Variants in APBA2 observed in about 807,000 individuals in gnomAD.
APBA2 encodes the protein amyloid beta precursor protein binding family A member 2.
Under a neutral mutation model 75.0 loss-of-function variants are expected in APBA2, and 30 were observed. The ratio of observed to expected loss-of-function variants is 0.40; its 90% CI spans 0.30 to 0.54. The LOEUF is 0.54. Among genes scored for constraint, APBA2 ranks in the 20% least tolerant of loss-of-function variants. APBA2 has a pLI of 0.49. For synonymous variants in APBA2, 444 were observed against 409.6 expected (o/e 1.08, Z -1.01); for missense variants, 801 against 1,016.1 (o/e 0.79, Z 2.88).
chr15:29,103,039 C>A (rs1307801896), intron 10 of APBA2, among the ~76,000 whole-genome samples: 2 of 152,208 alleles, frequency 1.3e-5, no homozygotes, highest in South Asian at 2.1e-4. Flanking sequence ...TTCCTTCCAC[C>A]GCTACACGGA....
At chr15:28,950,598 C>A (rs112241156) in intron 2 of APBA2, among the ~76,000 whole-genome samples, 32,302 of 150,852 alleles carry the variant, frequency 0.21, 7,085 homozygotes, top group African/African-American at 0.57. Context: ...CTGCACTCCA[C>A]CCTAGGCGAC....
At chr15:29,050,108 G>T (rs530670622) in intron 3 of APBA2, among the ~76,000 whole-genome samples, 1 of 152,174 alleles carries the variant, frequency 6.6e-6, no homozygotes, top group Non-Finnish European at 1.5e-5. Flanking sequence ...TCTAAGAGTG[G>T]AGAGGAAATT....
intron 2 of APBA2, among the ~76,000 whole-genome samples, chr15:28,944,258 T>C (rs541999909): frequency 1.2e-3 from 180 of 152,320 alleles, no homozygotes; most frequent in South Asian, 6.0e-3. Flanking sequence ...GATTAAGCCA[T>C]GCAGAAAGGT....
At chr15:28,944,158 C>A (rs1223919680) in intron 2 of APBA2, among the ~76,000 whole-genome samples, 2 of 152,176 alleles carry the variant, frequency 1.3e-5, no homozygotes, top group Non-Finnish European at 2.9e-5. Flanking sequence ...CTTTCAGGAT[C>A]AAATTGTGTC....
At chr15:29,004,605 A>C (rs986785866) in intron 3 of APBA2, among the ~76,000 whole-genome samples, 3 of 152,142 alleles carry the variant, frequency 2.0e-5, no homozygotes, top group African/African-American at 7.2e-5. Context: ...CCTACATCAA[A>C]GTTGAGGACC....
chr15:29,041,692 A>G (rs561008891), intron 3 of APBA2, among the ~76,000 whole-genome samples: 107 of 152,236 alleles, frequency 7.0e-4, no homozygotes, highest in Non-Finnish European at 1.3e-3. Context: ...ATTCTCCCCA[A>G]ATCGACCTAT....
intron 4 of APBA2, among the ~76,000 whole-genome samples, chr15:29,059,570 T>A (rs80187798): frequency 0.017 from 2,587 of 152,234 alleles, 85 homozygotes; most frequent in African/African-American, 0.059. Flanking sequence ...GTGTTTTATG[T>A]TAAAGAAATA....
intron 2 of APBA2, 146 bp downstream of exon 2, chr15:28,921,895 G>A (rs1324632087): frequency 1.3e-5 from 2 of 152,196 alleles, no homozygotes; most frequent in African/African-American, 2.4e-5. Flanking sequence ...ACACAGCTAC[G>A]GTAAATATTT....
intron 2 of APBA2, among the ~76,000 whole-genome samples, chr15:28,957,941 T>G (rs763629850): frequency 6.6e-6 from 1 of 152,204 alleles, no homozygotes; most frequent in Non-Finnish European, 1.5e-5. Flanking sequence ...ATTTGGCCTA[T>G]GACTGTGTCC....
chr15:29,068,049 G>C (rs2042451315), intron 4 of APBA2, among the ~76,000 whole-genome samples: 1 of 152,134 alleles, frequency 6.6e-6, no homozygotes, highest in Admixed American at 6.5e-5. Context: ...TTTTGGCTTG[G>C]GCACCATCGT....
At chr15:28,896,186 T>C (rs552697256) in intron 1 of APBA2, among the ~76,000 whole-genome samples, 6 of 152,232 alleles carry the variant, frequency 3.9e-5, no homozygotes, top group African/African-American at 1.4e-4. Context: ...CCTCTGTGAG[T>C]AGACCTTTCT....
chr15:28,967,922 C>A (rs1260615876), intron 2 of APBA2, among the ~76,000 whole-genome samples: 1 of 152,152 alleles, frequency 6.6e-6, no homozygotes, highest in Admixed American at 6.5e-5. Flanking sequence ...AAAATTTAAC[C>A]TCTGCACTCA....
chr15:29,012,158 C>G (rs972038388), intron 3 of APBA2, among the ~76,000 whole-genome samples: 1 of 152,164 alleles, frequency 6.6e-6, no homozygotes, highest in African/African-American at 2.4e-5. Context: ...ATACTTCATT[C>G]ACATTTTCTT....
chr15:29,001,018 C>T (rs1034714324), intron 3 of APBA2, among the ~76,000 whole-genome samples: 4 of 151,974 alleles, frequency 2.6e-5, no homozygotes, highest in Admixed American at 1.3e-4. Flanking sequence ...TCTTCACAGA[C>T]GAGGCTCATG....
chr15:28,992,569 G>A (rs538156245), intron 2 of APBA2, among the ~76,000 whole-genome samples: 42 of 152,322 alleles, frequency 2.8e-4, no homozygotes, highest in Admixed American at 2.7e-3. Context: ...AACCTCGTGC[G>A]TGGTGTTTGA....
At chr15:28,904,426 T>A (rs2033034266) in intron 1 of APBA2, among the ~76,000 whole-genome samples, 1 of 152,242 alleles carries the variant, frequency 6.6e-6, no homozygotes, top group Admixed American at 6.5e-5. Context: ...GTAATAAATA[T>A]CCTTGTAGTT....
chr15:29,023,557 G>A (rs2040063007), intron 3 of APBA2, among the ~76,000 whole-genome samples: 2 of 138,800 alleles, frequency 1.4e-5, no homozygotes, highest in Admixed American at 7.8e-5. Flanking sequence ...CGAGGTTCAA[G>A]CGATTCTCCT....
intron 6 of APBA2, among the ~76,000 whole-genome samples, chr15:29,084,111 C>A (rs73370248): frequency 2.6e-5 from 4 of 152,010 alleles, no homozygotes; most frequent in Non-Finnish European, 5.9e-5. Context: ...AGAAAGCTAT[C>A]GATTTTTATA....
intron 2 of APBA2, among the ~76,000 whole-genome samples, chr15:28,931,000 C>T (rs1230491675): frequency 6.6e-6 from 1 of 152,220 alleles, no homozygotes; most frequent in Non-Finnish European, 1.5e-5. Context: ...TCTCAGGAAA[C>T]TCGGGTGCCG....
Sources: gnomAD v4.1 joint callset for allele counts (sites outside exome capture counted in the v4.1 genomes callset) on GRCh38, gnomAD v4.1.1 for gene constraint, MANE v1.5 for transcripts, NCBI Gene and HGNC (gene_info 2026-07-23, HGNC 2026-07-21) for gene names.